The following LMNTD1 variants were observed in gnomAD, a reference collection of about 807,000 sequenced individuals.
LMNTD1 encodes lamin tail domain containing 1.
In LMNTD1, 35 loss-of-function variants were observed where a neutral mutation model predicts 50.9. That is an observed-to-expected ratio of 0.69 (90% CI 0.53 to 0.91). The LOEUF is 0.91. Ranked by LOEUF, LMNTD1 falls within the 40% of genes least tolerant of loss-of-function variation. LMNTD1 has a pLI of 0.00. For synonymous variants in LMNTD1, 153 were observed against 161.9 expected (o/e 0.94, Z 0.42); for missense variants, 470 against 475.5 (o/e 0.99, Z 0.11).
intron 1 of LMNTD1, among the ~76,000 whole-genome samples, chr12:25,627,427 C>T (rs925679623): frequency 1.3e-5 from 2 of 152,174 alleles, no homozygotes; most frequent in Non-Finnish European, 2.9e-5. Context: ...TTAATCAGTT[C>T]TTCTCATGGG....
intron 1 of LMNTD1, among the ~76,000 whole-genome samples, chr12:25,587,498 ATCTTGTGAGAACTCACTCAC>A (rs1443983112): frequency 6.6e-6 from 1 of 152,220 alleles, no homozygotes; most frequent in Admixed American, 6.5e-5. Flanking sequence ...AAGCAACCAG[ATCTTGTGAGAACTCACTCAC>A]TCTTGTGAGG....
chr12:25,608,444 T>C (rs1199730862), intron 1 of LMNTD1, among the ~76,000 whole-genome samples: 1 of 152,208 alleles, frequency 6.6e-6, no homozygotes, highest in Non-Finnish European at 1.5e-5. Flanking sequence ...TCTTTACAAT[T>C]TGGCATGTTT....
At chr12:25,541,937 A>G (rs1591966399) in intron 4 of LMNTD1, among the ~76,000 whole-genome samples, 1 of 152,116 alleles carries the variant, frequency 6.6e-6, no homozygotes, top group East Asian at 1.9e-4. Context: ...TTCTCAAAAG[A>G]AGACATTTAT....
intron 6 of LMNTD1, among the ~76,000 whole-genome samples, chr12:25,524,758 T>C (rs894672628): frequency 6.6e-6 from 1 of 152,178 alleles, no homozygotes; most frequent in South Asian, 2.1e-4. Context: ...CAATGAAAAT[T>C]AATCTAAGTA....
intron 8 of LMNTD1, among the ~76,000 whole-genome samples, chr12:25,507,141 G>C (rs1025135645): frequency 2.1e-4 from 32 of 152,128 alleles, no homozygotes; most frequent in African/African-American, 7.5e-4. Flanking sequence ...CTCCCAAAGT[G>C]CTGGGATTAC....
chr12:25,583,787 G>A (rs925815332), intron 1 of LMNTD1, among the ~76,000 whole-genome samples: 1 of 152,176 alleles, frequency 6.6e-6, no homozygotes, highest in East Asian at 1.9e-4. Context: ...AGAGGCGAAG[G>A]AGAGGCCAGA....
intron 1 of LMNTD1, among the ~76,000 whole-genome samples, chr12:25,605,660 T>C (rs983354045): frequency 2.8e-4 from 43 of 152,238 alleles, no homozygotes; most frequent in African/African-American, 1.0e-3. Flanking sequence ...TGTAGATATG[T>C]GGCATTATTT....
chr12:25,640,776 C>T (rs1224494005), intron 1 of LMNTD1, among the ~76,000 whole-genome samples: 1 of 152,012 alleles, frequency 6.6e-6, no homozygotes, highest in Admixed American at 6.5e-5. Context: ...CATTCTCCTG[C>T]CTAAGCCTCC....
intron 1 of LMNTD1, among the ~76,000 whole-genome samples, chr12:25,566,296 C>A (rs1042032930): frequency 1.3e-5 from 2 of 151,816 alleles, no homozygotes; most frequent in Non-Finnish European, 2.9e-5. Flanking sequence ...TTCTTTTTTT[C>A]TTCTGTCTCT....
At chr12:25,569,040 T>C (rs1471468176) in intron 1 of LMNTD1, among the ~76,000 whole-genome samples, 1 of 152,246 alleles carries the variant, frequency 6.6e-6, no homozygotes, top group East Asian at 1.9e-4. Context: ...GCTGATGCCC[T>C]CTAGACCCCA....
intron 4 of LMNTD1, among the ~76,000 whole-genome samples, chr12:25,539,073 G>A (rs534647722): frequency 5.3e-4 from 80 of 151,110 alleles, no homozygotes; most frequent in Non-Finnish European, 5.9e-5. Flanking sequence ...GATTCATAAA[G>A]CAAGTCCTGA....
chr12:25,519,600 A>AAAAAAAAAAAAAAAAG (rs1941126869), intron 7 of LMNTD1, among the ~76,000 whole-genome samples: 1 of 147,098 alleles, frequency 6.8e-6, no homozygotes, highest in Non-Finnish European at 1.5e-5. Context: ...AAAAAAAAAA[A>AAAAAAAAAAAAAAAAG]AAAAAAAAGT....
chr12:25,603,213 T>C (rs1435855526), intron 1 of LMNTD1, among the ~76,000 whole-genome samples: 1 of 152,112 alleles, frequency 6.6e-6, no homozygotes, highest in Non-Finnish European at 1.5e-5. Flanking sequence ...GTACAATTCC[T>C]TTAATATTCA....
At chr12:25,491,198 C>T (rs957022090) in intron 9 of LMNTD1, among the ~76,000 whole-genome samples, 2 of 152,182 alleles carry the variant, frequency 1.3e-5, no homozygotes, top group African/African-American at 2.4e-5. Flanking sequence ...CCAAAGGAAA[C>T]TTAGCATTTT....
chr12:25,638,178 C>G (rs1472543924), intron 1 of LMNTD1, among the ~76,000 whole-genome samples: 2 of 151,958 alleles, frequency 1.3e-5, no homozygotes, highest in Admixed American at 1.3e-4. Context: ...TATGAATAGA[C>G]AGGAACTTCC....
chr12:25,578,512 T>C (rs936261396), intron 1 of LMNTD1, among the ~76,000 whole-genome samples: 1 of 152,216 alleles, frequency 6.6e-6, no homozygotes, highest in African/African-American at 2.4e-5. Context: ...GTATTACATA[T>C]GTATGTGAAT....
intron 9 of LMNTD1, among the ~76,000 whole-genome samples, chr12:25,480,620 C>A (rs1224431815): frequency 1.3e-5 from 2 of 152,132 alleles, no homozygotes; most frequent in Non-Finnish European, 1.5e-5. Flanking sequence ...AAACCTAGAC[C>A]CATTCTCCCT....
intron 1 of LMNTD1, among the ~76,000 whole-genome samples, chr12:25,605,923 G>T (rs1448634436): frequency 6.6e-6 from 1 of 152,166 alleles, no homozygotes; most frequent in African/African-American, 2.4e-5. Context: ...ATTACCTTGG[G>T]CAGTATGGCC....
chr12:25,520,399 C>T (rs1941230536), intron 6 of LMNTD1, among the ~76,000 whole-genome samples: 1 of 151,986 alleles, frequency 6.6e-6, no homozygotes, highest in Non-Finnish European at 1.5e-5. Flanking sequence ...CTGCTCCCAT[C>T]CCTGTGAACC....
Sources: allele counts gnomAD v4.1 joint callset (sites outside exome capture counted in the v4.1 genomes callset), GRCh38; gene constraint gnomAD v4.1.1; transcripts MANE v1.5; gene names NCBI Gene and HGNC (gene_info 2026-07-23, HGNC 2026-07-21).